ANKFN1: variants seen among roughly 807,000 people sequenced by gnomAD.
The protein encoded by ANKFN1 is ankyrin repeat and fibronectin type-III domain-containing protein 1.
ANKFN1 carries 74 observed loss-of-function variants against 108.7 expected under a neutral mutation model. The ratio of observed to expected loss-of-function variants is 0.68; its 90% CI spans 0.56 to 0.83. The LOEUF (loss-of-function observed/expected upper bound fraction) is 0.83, where lower values mean the gene tolerates loss of function less well. Ranked by LOEUF, ANKFN1 falls within the 40% of genes least tolerant of loss-of-function variation. ANKFN1 has a pLI of 0.00. For missense variants in ANKFN1, 1,505 were observed against 1,382.3 expected, an observed-to-expected ratio of 1.09 and a Z score of -1.41; for synonymous variants, 547 against 516.2, an observed-to-expected ratio of 1.06 and a Z score of -0.81.
At chr17:56,343,495 T>A (rs2046014452) in intron 4 of ANKFN1, among the ~76,000 whole-genome samples, 1 of 151,814 alleles carries the variant, frequency 6.6e-6, no homozygotes. Context: ...ATGTGATGAG[T>A]CTTTTCTCTC....
chr17:56,310,748 T>TTGTGTGTG (rs71137198), intron 3 of ANKFN1, among the ~76,000 whole-genome samples: 3,420 of 150,164 alleles, frequency 0.023, 90 homozygotes, highest in African/African-American at 0.075. Flanking sequence ...CACAATTACT[T>TTGTGTGTG]TGTGTGTGTG....
intron 4 of ANKFN1, among the ~76,000 whole-genome samples, chr17:56,060,309 C>T (rs775499310): frequency 1.7e-4 from 26 of 151,948 alleles, no homozygotes; most frequent in Non-Finnish European, 3.2e-4. Context: ...GAAATTGCTT[C>T]TCAGTTTAAG....
intron 1 of ANKFN1, among the ~76,000 whole-genome samples, chr17:56,178,930 G>T (rs771208758): frequency 6.6e-6 from 1 of 151,996 alleles, no homozygotes; most frequent in Non-Finnish European, 1.5e-5. Flanking sequence ...TATTTTCTAC[G>T]CAATATTCTC....
At chr17:56,316,850 C>T (rs368110323) in intron 3 of ANKFN1, among the ~76,000 whole-genome samples, 97 of 152,236 alleles carry the variant, frequency 6.4e-4, no homozygotes, top group African/African-American at 2.1e-3. Context: ...ATTTAAAAAG[C>T]ACCAGTCCCA....
intron 2 of ANKFN1, among the ~76,000 whole-genome samples, chr17:56,220,100 C>T (rs1467106883): frequency 3.3e-5 from 5 of 152,182 alleles, no homozygotes; most frequent in Non-Finnish European, 7.3e-5. Flanking sequence ...ATGAGATGAT[C>T]TATGGAAAAA....
chr17:56,143,050 G>C (rs1382598752), intron 4 of ANKFN1, among the ~76,000 whole-genome samples: 1 of 152,170 alleles, frequency 6.6e-6, no homozygotes, highest in Non-Finnish European at 1.5e-5. Flanking sequence ...TTCACAGGAA[G>C]CTGAGATTCT....
rs74373548 is a variant in ANKFN1 at position 56,299,891 on chromosome 17, A to G, written c.54-26330A>G. 8.6e-3 allele frequency among the ~76,000 whole-genome samples: 1,312 copies of G among 152,346 alleles called. 16 individuals are homozygous for G. Among genetic ancestry groups the G allele is most frequent in the African/African-American group, 0.029 (1,209 of 41,572 alleles). On this transcript the variant is annotated intron_variant, in intron 3 of 20. Transcript: ENST00000682825. ...CTAAATGAATGAATGAATGAATGCT[A>G]TTAGTTAAATTTATACACACCCCTC...
intron 3 of ANKFN1, among the ~76,000 whole-genome samples, chr17:56,277,680 G>C (rs1016444514): frequency 3.9e-5 from 6 of 152,166 alleles, no homozygotes; most frequent in African/African-American, 1.4e-4. Context: ...ATTAGCCATA[G>C]TGTACGCTGC....
chr17:56,069,879 A>G (rs766312186), intron 4 of ANKFN1, among the ~76,000 whole-genome samples: 1 of 152,212 alleles, frequency 6.6e-6, no homozygotes, highest in Non-Finnish European at 1.5e-5. Flanking sequence ...TTATTTCTTG[A>G]TTATATGCTA....
intron 3 of ANKFN1, among the ~76,000 whole-genome samples, chr17:56,248,982 G>A (rs1035877672): frequency 3.9e-5 from 6 of 152,280 alleles, no homozygotes; most frequent in Middle Eastern, 3.4e-3. Context: ...CACAGGGGAG[G>A]TGGTGAGGAG....
intron 3 of ANKFN1, among the ~76,000 whole-genome samples, chr17:56,267,214 A>C (rs1168643570): frequency 6.6e-6 from 1 of 152,188 alleles, no homozygotes; most frequent in East Asian, 1.9e-4. Flanking sequence ...TGTTGCGGCA[A>C]AGGACATAAT....
intron 3 of ANKFN1, among the ~76,000 whole-genome samples, chr17:56,299,515 T>C (rs912575375): frequency 1.3e-5 from 2 of 152,216 alleles, no homozygotes; most frequent in African/African-American, 2.4e-5. Context: ...CTTTATTATA[T>C]TTACATTTGA....
At chr17:56,286,577 G>A (rs1405610875) in intron 3 of ANKFN1, among the ~76,000 whole-genome samples, 1 of 152,272 alleles carries the variant, frequency 6.6e-6, no homozygotes, top group East Asian at 1.9e-4. Context: ...GCCTCTCCAT[G>A]TGACTGGGGC....
rs549106778 is a variant in ANKFN1, at chr17:56,054,943, A to T, written c.288+8618A>T. ...AATAAAAAACTTAAATTGCTAAAGA[A>T]TACAAATGCTCATCTGAGCCTTCAG... On this transcript the variant is annotated intron_variant, in intron 4 of 12. Transcript: ENST00000635860. Among the ~76,000 whole-genome samples, 28 of 152,246 alleles carry T rather than the reference A, an allele frequency of 1.8e-4. No individual in the cohort carries two copies. The South Asian group carries it at 4.8e-3, about 26-fold the overall frequency.
rs143392145 is a variant in ANKFN1, at chr17:56,352,193, G to A, written c.390+1226G>A. 6.7e-4 allele frequency among the ~76,000 whole-genome samples: 102 copies of A among 152,296 alleles called. 1 individual carries two copies. The East Asian group carries it at 0.018, about 26-fold the overall frequency. On this transcript the variant is annotated intron_variant, in intron 5 of 20. Transcript: ENST00000682825. ...TTACCATTCAGCAGATTGTCTTGTA[G>A]CAAAGAAAACTGCATACCAAAATAG... is the stretch of plus-strand genomic sequence containing the variant.
At chr17:56,466,225 A>G in intron 14 of ANKFN1, 131 bp from the exon 15 acceptor site, 1 of 774,504 alleles carries the variant, frequency 1.3e-6, no homozygotes, top group Admixed American at 2.7e-5. Flanking sequence ...TCTAGGTTTA[A>G]GTGCAAAAAA....
At chr17:56,254,908 A>G (rs570828702) in intron 3 of ANKFN1, among the ~76,000 whole-genome samples, 1 of 152,316 alleles carries the variant, frequency 6.6e-6, no homozygotes, top group Non-Finnish European at 1.5e-5. Flanking sequence ...CCCAGACACA[A>G]AGAACCCTGC....
chr17:56,307,003 G>C (rs2144406873), intron 3 of ANKFN1, among the ~76,000 whole-genome samples: 1 of 152,308 alleles, frequency 6.6e-6, no homozygotes, highest in Admixed American at 6.5e-5. Context: ...AATAAATGGT[G>C]CTGGGAAAAC....
chr17:56,284,563 A>G (rs988666020), intron 3 of ANKFN1, among the ~76,000 whole-genome samples: 2 of 152,222 alleles, frequency 1.3e-5, no homozygotes, highest in Non-Finnish European at 2.9e-5. Flanking sequence ...ACAATATGTG[A>G]TGGAAACCAT....
Sources: gnomAD v4.1 joint callset for allele counts (sites outside exome capture counted in the v4.1 genomes callset) on GRCh38, gnomAD v4.1.1 for gene constraint, MANE v1.5 for transcripts, NCBI Gene and HGNC (gene_info 2026-07-23, HGNC 2026-07-21) for gene names.